The following MYLK variants were observed in gnomAD, a reference collection of about 807,000 sequenced individuals.
MYLK encodes myosin light chain kinase, smooth muscle.
Under a neutral mutation model 203.4 loss-of-function variants are expected in MYLK, and 106 were observed. The observed-to-expected ratio is 0.52, with a 90% confidence interval of 0.45 to 0.61. The LOEUF (loss-of-function observed/expected upper bound fraction) is 0.61, where lower values mean the gene tolerates loss of function less well. Ranked by LOEUF, MYLK falls within the 20% of genes least tolerant of loss-of-function variation. The pLI, the probability that MYLK is intolerant of heterozygous loss-of-function variation, is 0.00. For synonymous variants in MYLK, 867 were observed against 959.5 expected (o/e 0.90, Z 1.78); for missense variants, 2,072 against 2,442.3 (o/e 0.85, Z 3.20).
intron 4 of MYLK, among the ~76,000 whole-genome samples, chr3:123,759,849 T>C (rs2063479255): frequency 1.3e-5 from 2 of 152,194 alleles, no homozygotes; most frequent in South Asian, 4.1e-4. Context: ...ATCTGGAGAA[T>C]AAGAGCTGAT....
At chr3:123,736,504 C>T (rs971261847) in intron 8 of MYLK, among the ~76,000 whole-genome samples, 5 of 152,010 alleles carry the variant, frequency 3.3e-5, no homozygotes, top group African/African-American at 1.2e-4. Context: ...CTCCTCAGCC[C>T]GGACTTGAGG....
intron 5 of MYLK, among the ~76,000 whole-genome samples, chr3:123,744,414 A>G (rs911862364): frequency 1.5e-4 from 23 of 152,214 alleles, no homozygotes; most frequent in African/African-American, 5.3e-4. Flanking sequence ...TCTACAGTGG[A>G]CACTAGAATA....
At chr3:123,802,746 GT>G (rs1179346154) in intron 3 of MYLK, among the ~76,000 whole-genome samples, 1 of 152,130 alleles carries the variant, frequency 6.6e-6, no homozygotes, top group Non-Finnish European at 1.5e-5. Flanking sequence ...GCTGAGAGAA[GT>G]TTTCTGCGAT....
At chr3:123,631,468 A>T (rs1367250782) in intron 29 of MYLK, among the ~76,000 whole-genome samples, 1 of 151,864 alleles carries the variant, frequency 6.6e-6, no homozygotes, top group Admixed American at 6.6e-5. Flanking sequence ...GGGCTTTACC[A>T]ATGTCCCTTC....
At chr3:123,685,944 G>C (rs988075554) in intron 19 of MYLK, among the ~76,000 whole-genome samples, 7 of 152,170 alleles carry the variant, frequency 4.6e-5, no homozygotes, top group African/African-American at 1.7e-4. Flanking sequence ...CCAGGGGGTG[G>C]CCGCGCTCCA....
chr3:123,746,174 C>A (rs2063009729), intron 5 of MYLK, among the ~76,000 whole-genome samples: 3 of 152,014 alleles, frequency 2.0e-5, no homozygotes, highest in South Asian at 2.1e-4. Flanking sequence ...AATTTAAAGA[C>A]AAATAAGTTC....
At position 123,647,077 on chromosome 3, in the gene MYLK, G is replaced by A. The variant is rs1287225546; in HGVS notation, c.4619+147C>T. 6.1e-5 allele frequency: 46 copies of A among 759,578 alleles called. 1 individual carries two copies. The South Asian group carries it at 7.2e-4, about 12-fold the overall frequency. 47.1% of individuals were successfully genotyped at this position (759,578 alleles called of 1,614,324 possible). A position where few individuals can be genotyped will look rare whatever the true frequency, so the allele number is the denominator to read the frequency against. ...CTTCGGTTCTGTTTGGTCAGGCCTG[G>A]CTGTATGGCTGGTGAGCATCTTACA... is the stretch of plus-strand genomic sequence containing the variant. On this transcript the variant is annotated intron_variant, in intron 27 of 33. Transcript: ENST00000360304.
intron 22 of MYLK, 110 bp from the exon 23 acceptor site, chr3:123,664,368 T>TG (rs1318761574): frequency 3.1e-5 from 45 of 1,438,704 alleles, no homozygotes; most frequent in Middle Eastern, 1.9e-4. Flanking sequence ...GGACAAGCTG[T>TG]GGGGGGGCTC....
intron 2 of MYLK, among the ~76,000 whole-genome samples, chr3:123,832,087 C>T (rs1240961519): frequency 2.6e-5 from 4 of 152,096 alleles, no homozygotes; most frequent in East Asian, 3.9e-4. Flanking sequence ...GATCTGGCTT[C>T]GGTGACATGG....
chr3:123,867,421 C>CA (rs4048400), intron 2 of MYLK, among the ~76,000 whole-genome samples: 4,694 of 68,272 alleles, frequency 0.069, 180 homozygotes, highest in African/African-American at 0.15. Flanking sequence ...GACTAGTATC[C>CA]AAAAAAAAAA....
chr3:123,786,744 A>T (rs1352426860), intron 4 of MYLK, among the ~76,000 whole-genome samples: 1 of 152,192 alleles, frequency 6.6e-6, no homozygotes, highest in Admixed American at 6.5e-5. Context: ...GCCTTATCAA[A>T]ATATCTCATG....
At chr3:123,758,043 G>A (rs146227234) in intron 4 of MYLK, among the ~76,000 whole-genome samples, 1 of 150,810 alleles carries the variant, frequency 6.6e-6, no homozygotes, top group East Asian at 1.9e-4. Flanking sequence ...ATAAATGGAC[G>A]TGGTTGCACA....
At chr3:123,627,464 G>A (rs1376049450) in intron 30 of MYLK, among the ~76,000 whole-genome samples, 1 of 152,196 alleles carries the variant, frequency 6.6e-6, no homozygotes, top group Non-Finnish European at 1.5e-5. Flanking sequence ...AGTAGGTCCT[G>A]CCTATAACCT....
chr3:123,615,823 A>AT (rs1224243109), intron 33 of MYLK, among the ~76,000 whole-genome samples: 2 of 149,832 alleles, frequency 1.3e-5, no homozygotes, highest in Non-Finnish European at 3.0e-5. Flanking sequence ...TAATTTTCGT[A>AT]TTTTTTGTAG....
chr3:123,782,197 C>T (rs1187397216), intron 4 of MYLK, among the ~76,000 whole-genome samples: 1 of 152,178 alleles, frequency 6.6e-6, no homozygotes, highest in Non-Finnish European at 1.5e-5. Flanking sequence ...CTTTCCACAA[C>T]ACACTACGTT....
chr3:123,660,925 C>T (rs2059541345), intron 23 of MYLK, among the ~76,000 whole-genome samples: 1 of 152,222 alleles, frequency 6.6e-6, no homozygotes, highest in Non-Finnish European at 1.5e-5. Flanking sequence ...TCTAAGTGTA[C>T]AGGCTCTGAA....
chr3:123,617,437 C>A (rs1358522521), intron 33 of MYLK: 1 of 152,178 alleles, frequency 6.6e-6, no homozygotes, highest in Non-Finnish European at 1.5e-5. Flanking sequence ...CATCCACTTT[C>A]TTTTAATTGA....
chr3:123,663,874 G>A (rs1372547214), intron 23 of MYLK, among the ~76,000 whole-genome samples: 1 of 152,188 alleles, frequency 6.6e-6, no homozygotes. Flanking sequence ...GATAGAGACA[G>A]GGAAAAGGAT....
rs555608149 is a variant in MYLK at position 123,741,525 on chromosome 3, G to A, written c.374-1524C>T. On this transcript the variant is annotated intron_variant, in intron 5 of 33. Transcript: ENST00000360304. ...GGACCCAACTGACAGTCAAGATGCTGGGCCCTCAGATGCTGCTGGAGGCAG... is the reference window on the plus strand; with the variant it reads ...GGACCCAACTGACAGTCAAGATGCTAGGCCCTCAGATGCTGCTGGAGGCAG... Among the ~76,000 whole-genome samples the A allele has an allele frequency of 2.0e-5, 3 of 152,310 alleles. No individual in the cohort carries two copies. In the East Asian group the frequency reaches 5.8e-4, roughly 29 times the overall value.
Sources: allele counts gnomAD v4.1 joint callset (sites outside exome capture counted in the v4.1 genomes callset), GRCh38; gene constraint gnomAD v4.1.1; transcripts MANE v1.5; gene names NCBI Gene and HGNC (gene_info 2026-07-23, HGNC 2026-07-21).